ITPR3: variants seen among roughly 807,000 people sequenced by gnomAD.
ITPR3 encodes the protein inositol 1,4,5-trisphosphate receptor type 3.
Under a neutral mutation model 293.2 loss-of-function variants are expected in ITPR3, and 173 were observed. The ratio of observed to expected loss-of-function variants is 0.59; its 90% confidence interval spans 0.52 to 0.67. The LOEUF is 0.67. ITPR3 is among the 30% of genes least tolerant of loss of function. The pLI is 0.00. For synonymous variants in ITPR3, 1,295 were observed against 1,444.4 expected, an observed-to-expected ratio of 0.90 and a Z score of 2.35; for missense variants, 2,796 against 3,592.1, an observed-to-expected ratio of 0.78 and a Z score of 5.66.
rs1313811249 is a variant in ITPR3, at chr6:33,675,922, C to T, written c.3282+66C>T. 4 of 1,456,922 alleles carry T rather than the reference C, an allele frequency of 2.7e-6. No individual in the cohort carries two copies. The highest frequency in any genetic ancestry group is 1.4e-5 in the African/African-American group (1 of 69,540). 90.2% of individuals were successfully genotyped at this position (1,456,922 alleles called of 1,614,324 possible). On this transcript the variant is annotated intron_variant, in intron 25 of 57. Transcript: ENST00000605930. This position sits in a 1 kb window ranked among gnomAD's most constrained non-coding sequence, Gnocchi z 5.0. Reference sequence around the variant, plus strand: ...GCACCAGGCACGGGGGGACAGTAAACGATGATTGAGGAGCTCACAGCTCAA... The same window carrying T: ...GCACCAGGCACGGGGGGACAGTAAATGATGATTGAGGAGCTCACAGCTCAA...
rs1420958374 is a variant in ITPR3 at position 33,662,721 on chromosome 6, C to A, written c.858+47C>A. 3 of 1,595,672 alleles carry A rather than the reference C, an allele frequency of 1.9e-6. No homozygotes were observed. The South Asian group carries it at 3.3e-5, about 18-fold the overall frequency. On this transcript the variant is annotated intron_variant, in intron 8 of 57. Coordinates refer to ENST00000605930, the MANE Select transcript of ITPR3 (RefSeq NM_002224.4). ...GCACCCCGGACTCAGCCTTGGATGC[C>A]ACCCCTCCCTCTTCCCCACCATCCT... is the stretch of plus-strand genomic sequence containing the variant.
chr6:33,691,928 T>C lies in ITPR3; in HGVS notation c.7458T>C (p.Asp2486=), dbSNP rs1333070426. The C allele has an allele frequency of 1.9e-6, 3 of 1,613,756 alleles. No homozygotes were observed. The highest frequency in any genetic ancestry group is 1.1e-5 in the South Asian group (1 of 91,088). Residue 2486 remains aspartate, a splice_region_variant and synonymous_variant, in exon 54 of 58, where the codon GAT becomes GAC. Transcript: ENST00000605930. The surrounding 1 kb of genome is among the most constrained non-coding windows in gnomAD (Gnocchi z 4.9). ...VGDILRKPSK[D]ESLFPARVVY... Reference sequence around the variant, plus strand: ...ACATTCTCCGCAAGCCCTCCAAAGATGTGAGCACTCCTGCCCACTCCCAAA... The same window carrying C: ...ACATTCTCCGCAAGCCCTCCAAAGACGTGAGCACTCCTGCCCACTCCCAAA...
At chr6:33,663,093 G>A in intron 9 of ITPR3, 87 bp downstream of exon 9, 1 of 1,120,882 alleles carries the variant, frequency 8.9e-7, no homozygotes, top group South Asian at 1.4e-5. Context: ...ACTTGCATAT[G>A]TGGCACATGT....
Position 33,667,647 on chromosome 6 carries a change from C to A in ITPR3, c.1714-145C>A. The A allele has an allele frequency of 1.1e-6, 1 of 883,710 alleles. No individual in the cohort carries two copies. Among genetic ancestry groups the A allele is most frequent in the Non-Finnish European group, 1.7e-6 (1 of 585,462 alleles). The allele number at this position is 883,710 out of a possible 1,614,324, so 54.7% of individuals were successfully genotyped here. A position where few individuals can be genotyped will look rare whatever the true frequency, so the allele number is the denominator to read the frequency against. On this transcript the variant is annotated intron_variant, in intron 15 of 57. Transcript: ENST00000605930. The surrounding 1 kb of genome is among the most constrained non-coding windows in gnomAD (Gnocchi z 4.4). ...CTATGTAATGTAAGCCACTCTTCTGCCCAGCGATGCTTCCTTTCCTGGACC... is the reference window on the plus strand; with the variant it reads ...CTATGTAATGTAAGCCACTCTTCTGACCAGCGATGCTTCCTTTCCTGGACC...
chr6:33,694,405 C>CCT (rs1554140629), intron 56 of ITPR3: 1 of 171,568 alleles, frequency 5.8e-6, no homozygotes, highest in Non-Finnish European at 1.2e-5. Flanking sequence ...GTGCCCCCTC[C>CCT]CCCCCCGACT....
At position 33,687,332 on chromosome 6, in the gene ITPR3, C is replaced by T. The variant is rs1765259792; in HGVS notation, c.6177+5C>T. On this transcript the variant is annotated splice_donor_5th_base_variant and intron_variant, in intron 45 of 57. Transcript: ENST00000605930. The surrounding 1 kb of genome is among the most constrained non-coding windows in gnomAD (Gnocchi z 5.3). ...ATCTATATCCTGGCGCTGCAGGTAC[C>T]AGTTCCACCCGTGGCAACGGCCATC... 1 of 1,599,562 alleles carries T rather than the reference C, an allele frequency of 6.3e-7. No individual in the cohort carries two copies. The highest frequency in any genetic ancestry group is 8.6e-7 in the Non-Finnish European group (1 of 1,168,328).
rs556866214 is a variant in ITPR3, at chr6:33,665,676, AAGCCGGG to A, written c.1410-157_1410-151del. On this transcript the variant is annotated intron_variant, in intron 13 of 57. Coordinates refer to ENST00000605930, the MANE Select transcript of ITPR3 (RefSeq NM_002224.4). ...CGTGTTTGGAGAGCATTTCAGGGGA[AAGCCGGG>A]AAGAGGAATTGTAGGCTGAGGATGG... 4.3e-3 allele frequency among the ~76,000 whole-genome samples: 654 copies of A among 152,178 alleles called. 3 individuals are homozygous for A. The highest frequency in any genetic ancestry group is 5.9e-3 in the Non-Finnish European group (402 of 67,988).
rs778791975 is a variant in ITPR3, at chr6:33,672,132, G to A, written c.2832G>A (p.Gly944=). Residue 944 remains glycine, a synonymous_variant, in exon 22 of 58, where the codon GGG becomes GGA. Coordinates refer to ENST00000605930, the MANE Select transcript of ITPR3 (RefSeq NM_002224.4). The surrounding 1 kb of genome is among the most constrained non-coding windows in gnomAD (Gnocchi z 5.0). ...SVFSAPSLSA[G]ASAAEPLDRS... ...TCAGTGCCCCCAGCCTGTCTGCTGG[G>A]GCCAGTGCTGCTGAGCCGCTGGACA... is the stretch of plus-strand genomic sequence containing the variant. 1 of 1,614,068 alleles carries A rather than the reference G, an allele frequency of 6.2e-7. No homozygotes were observed. The highest frequency in any genetic ancestry group is 8.5e-7 in the Non-Finnish European group (1 of 1,180,020).
chr6:33,663,115 C>T (rs866374293), intron 9 of ITPR3, 109 bp downstream of exon 9: 3 of 846,966 alleles, frequency 3.5e-6, no homozygotes, highest in African/African-American at 3.3e-5. Context: ...CCTATGGACC[C>T]TGACTTCTCT....
At chr6:33,673,199 G>T (rs1454357547) in intron 22 of ITPR3, among the ~76,000 whole-genome samples, 1 of 152,174 alleles carries the variant, frequency 6.6e-6, no homozygotes, top group African/African-American at 2.4e-5. Context: ...AGTATCCAGG[G>T]TCTGTTTGGC....
chr6:33,680,811 A>G, intron 33 of ITPR3, 131 bp downstream of exon 33: 1 of 721,224 alleles, frequency 1.4e-6, no homozygotes, highest in Non-Finnish European at 2.1e-6. Flanking sequence ...ACATAAGTGT[A>G]TTGGTTATCT....
intron 2 of ITPR3, among the ~76,000 whole-genome samples, chr6:33,645,709 T>C (rs957983439): frequency 1.2e-4 from 19 of 152,264 alleles, no homozygotes; most frequent in African/African-American, 4.1e-4. Context: ...CTTGTCCCAC[T>C]TAAATTTCTT....
At position 33,685,632 on chromosome 6, in the gene ITPR3, C is replaced by G. The variant is rs1765206442; in HGVS notation, c.5483-11C>G. ...GTGGGCAGCTCCAGCCTCACCAGGT[C>G]TCGCCCACAGGCCGCGTGGCCTCCT... On this transcript the variant is annotated splice_polypyrimidine_tract_variant and intron_variant, in intron 40 of 57. Transcript: ENST00000605930. The G allele has an allele frequency of 6.3e-7, 1 of 1,581,912 alleles. No individual in the cohort carries two copies. Among genetic ancestry groups the G allele is most frequent in the Non-Finnish European group, 8.6e-7 (1 of 1,159,462 alleles).
chr6:33,642,020 TTTG>T (rs138371798), intron 2 of ITPR3, among the ~76,000 whole-genome samples: 8,105 of 152,230 alleles, frequency 0.053, 262 homozygotes, highest in African/African-American at 0.081. Context: ...TTTCTGTGTT[TTTG>T]TTGTTGTTGT....
chr6:33,631,272 C>T (rs1370786625), intron 1 of ITPR3, among the ~76,000 whole-genome samples: 2 of 152,184 alleles, frequency 1.3e-5, no homozygotes, highest in Admixed American at 6.5e-5. Context: ...GCCGGGGTGA[C>T]CACTACCATC....
Position 33,688,294 on chromosome 6 carries a change from G to A in ITPR3, c.6431G>A (p.Cys2144Tyr). 1.2e-6 allele frequency: 2 copies of A among 1,614,204 alleles called. No individual in the cohort carries two copies. The highest frequency in any genetic ancestry group is 1.7e-5 in the Admixed American group (1 of 60,030). ...ATCGTGTTCCCAGTGCCCGGCATCTGCCAGTTCCTGACGGAGGAAACCAAG... is the reference window on the plus strand; with the variant it reads ...ATCGTGTTCCCAGTGCCCGGCATCTACCAGTTCCTGACGGAGGAAACCAAG... ...EQIVFPVPGICQFLTEETKHR... is the reference protein window; with the variant it reads ...EQIVFPVPGIYQFLTEETKHR... Residue 2144 changes from cysteine to tyrosine, a missense_variant, in exon 48 of 58, where the codon TGC becomes TAC. By Grantham distance (194) the Cys-to-Tyr change is radical (BLOSUM62 -2). This residue lies in a region of ITPR3 where 568 missense variants were observed against 796.1 expected (regional missense o/e 0.71). Coordinates refer to ENST00000605930, the MANE Select transcript of ITPR3 (RefSeq NM_002224.4).
At chr6:33,640,030 T>C (rs1286155984) in intron 1 of ITPR3, among the ~76,000 whole-genome samples, 2 of 152,174 alleles carry the variant, frequency 1.3e-5, no homozygotes, top group African/African-American at 4.8e-5. Flanking sequence ...TCTCTGCTTC[T>C]GTTTCTTATG....
At chr6:33,636,897 A>T (rs915005395) in intron 1 of ITPR3, among the ~76,000 whole-genome samples, 2 of 152,190 alleles carry the variant, frequency 1.3e-5, no homozygotes, top group African/African-American at 4.8e-5. Flanking sequence ...CGGGAGAGAA[A>T]AGGAGACAGA....
Position 33,658,556 on chromosome 6 carries a change from A to C in ITPR3, c.370-114A>C. ...TGTATGTTTGTGACAGGTGTCTGAC[A>C]CTATGTGTGCAGCCAGAATGTGACC... On this transcript the variant is annotated intron_variant, in intron 4 of 57. Coordinates refer to ENST00000605930, the MANE Select transcript of ITPR3 (RefSeq NM_002224.4). This position sits in a 1 kb window ranked among gnomAD's most constrained non-coding sequence, Gnocchi z 6.1. 8.0e-7 allele frequency: 1 copy of C among 1,252,902 alleles called. No homozygotes were observed. Among genetic ancestry groups the C allele is most frequent in the Non-Finnish European group, 1.1e-6 (1 of 887,998 alleles). 77.6% of individuals were successfully genotyped at this position (1,252,902 alleles called of 1,614,324 possible). A position where few individuals can be genotyped will look rare whatever the true frequency, so the allele number is the denominator to read the frequency against.
Sources: allele counts gnomAD v4.1 joint callset (sites outside exome capture counted in the v4.1 genomes callset), GRCh38; gene constraint gnomAD v4.1.1; regional missense constraint gnomAD v4.1.1; non-coding constraint Gnocchi (gnomAD v3.1); transcripts MANE v1.5; gene names NCBI Gene and HGNC (gene_info 2026-07-23, HGNC 2026-07-21).